The following TASOR2 variants were observed in gnomAD, a reference collection of about 807,000 sequenced individuals.
TASOR2 encodes the protein transcription activation suppressor family member 2.
In TASOR2, 84 loss-of-function variants were observed where a neutral mutation model predicts 199.5. That is an observed-to-expected ratio of 0.42 (90% CI 0.35 to 0.50). TASOR2 has a LOEUF of 0.50. TASOR2 is among the 20% of genes least tolerant of loss of function. The pLI is 0.02. For missense variants in TASOR2, 2,796 were observed against 2,835.9 expected (o/e 0.99, Z 0.32); for synonymous variants, 1,103 against 1,046.6 (o/e 1.05, Z -1.04).
At chr10:5,761,221 C>A in intron 18 of TASOR2, 69 bp from the exon 20 acceptor site, 1 of 1,380,610 alleles carries the variant, frequency 7.2e-7, no homozygotes, top group South Asian at 1.4e-5. Flanking sequence ...AATGGTTAAA[C>A]TGAAGGCAAG....
At chr10:5,709,612 C>A (rs1020365631) in intron 1 of TASOR2, 6 of 1,230,930 alleles carry the variant, frequency 4.9e-6, no homozygotes, top group Non-Finnish European at 6.1e-6. Context: ...ACCACCCTCC[C>A]AGCTACATTC....
rs536340258 is a variant in TASOR2 at position 5,712,965 on chromosome 10, G to A, written c.-192+47G>A. 418 of 912,024 alleles carry A rather than the reference G, an allele frequency of 4.6e-4. 1 individual carries two copies. Among genetic ancestry groups the A allele is most frequent in the Non-Finnish European group, 3.9e-4 (274 of 696,184 alleles). The allele number at this position is 912,024 out of a possible 1,614,324, so 56.5% of individuals were successfully genotyped here. ...AAATTAATGGTATCATTAGTCTTAA[G>A]TATTGTGGTACTTCAGTTCTGTAAG... On this transcript the variant is annotated intron_variant, in intron 2 of 20. Transcript: ENST00000328090.
At chr10:5,749,008 A>T in exon 15 of TASOR2, 1 of 1,614,146 alleles carries the variant, frequency 6.2e-7, no homozygotes, top group Non-Finnish European at 8.5e-7. Context: ...AGATGTTCCC[A>T]CAGATGGCTA....
At chr10:5,757,960 A>G (rs140395326) in intron 17 of TASOR2, among the ~76,000 whole-genome samples, 1 of 152,234 alleles carries the variant, frequency 6.6e-6, no homozygotes, top group Non-Finnish European at 1.5e-5. Context: ...GGATTTTATT[A>G]TATTTAGTCT....
At chr10:5,756,450 T>G (rs2797495) in intron 15 of TASOR2, among the ~76,000 whole-genome samples, 163 bp from the exon 17 acceptor site, 151,722 of 152,276 alleles carry the variant, frequency 1, 75,588 homozygotes, top group East Asian at 1. Context: ...CAATACCTGA[T>G]TCATTTATTT....
rs374439263 is a variant in TASOR2 at position 5,730,699 on chromosome 10, A to C, written c.700A>C (p.Thr234Pro). ...TCCTCAGGATAGAATGAAAGACCCT[A>C]CATTCTTGGGGAAACTGCCCAGTGG... Residue 234 changes from threonine (T) to proline (P), a missense_variant, in exon 11 of 21, where the codon ACA (threonine) becomes CCA (proline). Transcript: ENST00000328090. The surrounding 1 kb of genome is among the most constrained non-coding windows in gnomAD (Gnocchi z 4.1). 5.6e-6 allele frequency: 9 copies of C among 1,614,080 alleles called. No individual in the cohort carries two copies. The South Asian group carries it at 9.9e-5, about 18-fold the overall frequency.
rs34884255 is a variant in TASOR2 at position 5,755,046 on chromosome 10, CAAAAAAAAAAAAA to C, written c.6607-1557_6607-1545del. On this transcript the variant is annotated intron_variant, in intron 15 of 20. Transcript: ENST00000328090. ...GGGCAACAGAGCAAGACTCTTGTCT[CAAAAAAAAAAAAA>C]AAAAAAAAAGAGAAATCTGAGGGTG... 5.0e-4 allele frequency among the ~76,000 whole-genome samples: 39 copies of C among 78,110 alleles called. 2 individuals carry two copies. Among genetic ancestry groups the C allele is most frequent in the Admixed American group, 6.5e-4 (4 of 6,178 alleles). The allele number at this position is 78,110 out of a possible 152,430, so 51.2% of individuals were successfully genotyped here.
chr10:5,723,278 A>G (rs2131578100), intron 6 of TASOR2, among the ~76,000 whole-genome samples: 1 of 151,678 alleles, frequency 6.6e-6, no homozygotes, highest in East Asian at 2.0e-4. Flanking sequence ...GATGGTCTCC[A>G]TCTCCTGACC....
At chr10:5,712,598 A>C in intron 1 of TASOR2, 1 of 1,220,134 alleles carries the variant, frequency 8.2e-7, no homozygotes, top group Non-Finnish European at 1.0e-6. Flanking sequence ...AGGTAAACCC[A>C]TCATTTTTGG....
chr10:5,714,954 T>C (rs1832418918), intron 2 of TASOR2, among the ~76,000 whole-genome samples: 1 of 151,990 alleles, frequency 6.6e-6, no homozygotes, highest in South Asian at 2.1e-4. Flanking sequence ...GCTAAGACAT[T>C]GTTAGTGGGA....
At chr10:5,691,303 C>T (rs1305764691) in intron 1 of TASOR2, among the ~76,000 whole-genome samples, 1 of 151,890 alleles carries the variant, frequency 6.6e-6, no homozygotes, top group Non-Finnish European at 1.5e-5. Context: ...TGTTTATAAG[C>T]ATCAGCCTGA....
In TASOR2 at chr10:5,701,835, T is replaced by C. The variant is rs1377779142; in HGVS notation, c.-287-10988T>C. On this transcript the variant is annotated intron_variant, in intron 1 of 20. Transcript: ENST00000328090. The surrounding 1 kb of genome is among the most constrained non-coding windows in gnomAD (Gnocchi z 4.9). ...GTATCCTGCAACTTTACTGAATTTG[T>C]TTATCAGTTCTAACAATTTTTTTGG... 6.6e-6 allele frequency among the ~76,000 whole-genome samples: 1 copy of C among 152,192 alleles called. No individual in the cohort carries two copies. The highest frequency in any genetic ancestry group is 6.5e-5 in the Admixed American group (1 of 15,278).
Position 5,685,142 on chromosome 10 carries a change from A to T in TASOR2, c.-321A>T. The T allele has an allele frequency of 2.5e-6, 1 of 398,128 alleles. No individual in the cohort carries two copies. Among genetic ancestry groups the T allele is most frequent in the Non-Finnish European group, 4.4e-6 (1 of 225,654 alleles). The allele number at this position is 398,128 out of a possible 1,614,324, so 24.7% of individuals were successfully genotyped here. A position where few individuals can be genotyped will look rare whatever the true frequency, so the allele number is the denominator to read the frequency against. On this transcript the variant is annotated 5_prime_UTR_variant, in exon 1 of 21. Transcript: ENST00000328090. This position sits in a 1 kb window ranked among gnomAD's most constrained non-coding sequence, Gnocchi z 5.4. The stretch of plus-strand genomic sequence containing the variant: ...GGGAAGGAGGCCGAGCCGGGATCTC[A>T]GGTCCTCGGGGGCGGCGGCCACGCC...
rs1831466639 is a variant in TASOR2, at chr10:5,708,615, C to CCTCA, written c.-287-4205_-287-4204insACTC. ...TTCTCTATCTCTTCCTTCCTCCCTCCCTCCCTCCCTCCCTTCCTCCCTTCC... is the reference window on the plus strand; with the variant it reads ...TTCTCTATCTCTTCCTTCCTCCCTCCCTCACTCCCTCCCTCCCTTCCTCCCTTCC... On this transcript the variant is annotated intron_variant, in intron 1 of 20. Transcript: ENST00000328090. Among the ~76,000 whole-genome samples, 2 of 13,170 alleles carry CCTCA rather than the reference C, an allele frequency of 1.5e-4. 1 individual carries two copies. The highest frequency in any genetic ancestry group is 1.9e-3 in the Admixed American group (2 of 1,050). 8.6% of individuals were successfully genotyped at this position (13,170 alleles called of 152,430 possible).
In TASOR2 at chr10:5,719,521, T is replaced by A. The variant is rs1564289681; in HGVS notation, c.-99-1023T>A. ...CCACACCCAGCTAATTTTTTTGTAT[T>A]TTTAGTAAAGGCAGGGTTTCACCAT... On this transcript the variant is annotated intron_variant, in intron 3 of 20. Transcript: ENST00000328090. This position sits in a 1 kb window ranked among gnomAD's most constrained non-coding sequence, Gnocchi z 4.1. Among the ~76,000 whole-genome samples the A allele has an allele frequency of 6.6e-6, 1 of 152,074 alleles. No individual in the cohort carries two copies. The highest frequency in any genetic ancestry group is 1.9e-4 in the East Asian group (1 of 5,186).
At position 5,698,053 on chromosome 10, in the gene TASOR2, C is replaced by T. The variant is rs1381475084; in HGVS notation, c.-288+12878C>T. Among the ~76,000 whole-genome samples, 4 of 152,174 alleles carry T rather than the reference C, an allele frequency of 2.6e-5. No homozygotes were observed. Among genetic ancestry groups the T allele is most frequent in the Non-Finnish European group, 5.9e-5 (4 of 68,016 alleles). ...TTATTGACCCTAGTGCTTTACTTTTCCTTATGTTCACTCCATGACCCTATG... is the reference window on the plus strand; with the variant it reads ...TTATTGACCCTAGTGCTTTACTTTTTCTTATGTTCACTCCATGACCCTATG... On this transcript the variant is annotated intron_variant, in intron 1 of 20. Transcript: ENST00000328090. This position sits in a 1 kb window ranked among gnomAD's most constrained non-coding sequence, Gnocchi z 4.4.
rs746397545 is a variant in TASOR2 at position 5,746,746 on chromosome 10, G to A, written c.3325G>A (p.Asp1109Asn). The change falls in exon 15 of 21, where the codon GAC (aspartate) becomes AAC (asparagine). Residue 1109 changes from aspartate (D) to asparagine (N), a missense_variant. By Grantham distance (23) the Asp-to-Asn change is conservative. Transcript: ENST00000328090. ...AAATGCACGAACACAAGGCCTGAGGGACATTCCCTCTCTAGTAGTTGCAGG... is the reference window on the plus strand; with the variant it reads ...AAATGCACGAACACAAGGCCTGAGGAACATTCCCTCTCTAGTAGTTGCAGG... 4.6e-5 allele frequency: 74 copies of A among 1,613,982 alleles called. No individual in the cohort carries two copies. The highest frequency in any genetic ancestry group is 5.8e-5 in the Non-Finnish European group (69 of 1,180,042).
exon 2 of TASOR2, chr10:5,712,834 T>C: frequency 1.6e-6 from 2 of 1,229,734 alleles, no homozygotes; most frequent in Non-Finnish European, 2.0e-6. Flanking sequence ...ACAAAACTTT[T>C]TACCAACAAA....
At chr10:5,763,129 T>C (rs1474370616) in exon 21 of TASOR2, 3 of 1,158,398 alleles carry the variant, frequency 2.6e-6, no homozygotes, top group Non-Finnish European at 3.7e-6. Context: ...ATGTGAACAG[T>C]CTTACATTTG....
Sources: allele counts gnomAD v4.1 joint callset (sites outside exome capture counted in the v4.1 genomes callset), GRCh38; gene constraint gnomAD v4.1.1; non-coding constraint Gnocchi (gnomAD v3.1); transcripts MANE v1.5; gene names NCBI Gene and HGNC (gene_info 2026-07-23, HGNC 2026-07-21).